The following MS4A7 variants were observed in gnomAD, a reference collection of about 807,000 sequenced individuals.
The protein encoded by MS4A7 is membrane-spanning 4-domains subfamily A member 7.
MS4A7 carries 21 observed loss-of-function variants against 23.5 expected under a neutral mutation model. That is an observed-to-expected ratio of 0.89 (90% CI 0.63 to 1.29). MS4A7 has a LOEUF of 1.29. MS4A7 is among the 50% of genes most tolerant of loss of function. The pLI, the probability that MS4A7 is intolerant of heterozygous loss-of-function variation, is 0.00. For synonymous variants in MS4A7, 111 were observed against 107.4 expected, an observed-to-expected ratio of 1.03 and a Z score of -0.21; for missense variants, 263 against 274.2, an observed-to-expected ratio of 0.96 and a Z score of 0.29.
intron 1 of MS4A7, among the ~76,000 whole-genome samples, chr11:60,379,431 C>A (rs1036639661): frequency 1.3e-4 from 20 of 152,126 alleles, no homozygotes; most frequent in Non-Finnish European, 2.9e-4. Flanking sequence ...AATCTAGAGA[C>A]CTCCATTTAT....
chr11:60,383,215 AG>A lies in MS4A7; in HGVS notation c.75del (p.Lys26AsnfsTer33). 1.9e-6 allele frequency: 3 copies of A among 1,614,184 alleles called. No homozygotes were observed. Among genetic ancestry groups the A allele is most frequent in the Non-Finnish European group, 2.5e-6 (3 of 1,180,012 alleles). Reference sequence around the variant, plus strand: ...AAGGGCATCACTATCCCTCAAAGAGAGAAACCTGGACACATGTACCAAAACG... The same window carrying A: ...AAGGGCATCACTATCCCTCAAAGAGAAAACCTGGACACATGTACCAAAACG... ...TPKGITIPQREKPGHMYQNED... is the reference protein window; with the variant it reads ...TPKGITIPQRXKPGHMYQNED... On this transcript the variant is annotated frameshift_variant, in exon 2 of 7. Transcript: ENST00000300184. LOFTEE classifies it high-confidence loss of function.
rs772610941 is a variant in MS4A7 at position 60,389,611 on chromosome 11, A to G, written c.546+15A>G. 8.1e-6 allele frequency: 13 copies of G among 1,603,308 alleles called. No homozygotes were observed. In the East Asian group the frequency reaches 2.7e-4, roughly 33 times the overall value. On this transcript the variant is annotated intron_variant, in intron 5 of 6. Coordinates refer to ENST00000300184, the MANE Select transcript of MS4A7 (RefSeq NM_021201.5). ...TCAGTTTAACAGTGAGTAGTTTCAG[A>G]CTGAATATCCTGTCATGTGAAATCT...
At position 60,383,196 on chromosome 11, in the gene MS4A7, A is replaced by G; in HGVS notation, c.55A>G (p.Ile19Val). Reference protein sequence around the residue: ...GVSHSFTPKGITIPQREKPGH... With the variant: ...GVSHSFTPKGVTIPQREKPGH... ...TTCTCACAGCTTTACACCAAAGGGCATCACTATCCCTCAAAGAGAGAAACC... is the reference window on the plus strand; with the variant it reads ...TTCTCACAGCTTTACACCAAAGGGCGTCACTATCCCTCAAAGAGAGAAACC... Residue 19 changes from isoleucine to valine, a missense_variant, in exon 2 of 7, where the codon ATC (isoleucine) becomes GTC (valine). Physicochemically the swap from Ile to Val is conservative, Grantham distance 29. Transcript: ENST00000300184. The G allele has an allele frequency of 6.2e-7, 1 of 1,614,204 alleles. No individual in the cohort carries two copies. The highest frequency in any genetic ancestry group is 1.1e-5 in the South Asian group (1 of 91,084).
chr11:60,389,950 C>T (rs2085533626), intron 5 of MS4A7: 2 of 242,672 alleles, frequency 8.2e-6, no homozygotes, highest in African/African-American at 4.5e-5. Context: ...CAGAAATATT[C>T]TTCATTTGAA....
rs2085607881 is a variant in MS4A7, at chr11:60,395,587, T to C, written c.*1726T>C. 6.6e-6 allele frequency: 1 copy of C among 152,176 alleles called. No homozygotes were observed. The highest frequency in any genetic ancestry group is 2.4e-5 in the African/African-American group (1 of 41,460). The allele number at this position is 152,176 out of a possible 1,614,324, so 9.4% of individuals were successfully genotyped here. On this transcript the variant is annotated 3_prime_UTR_variant, in exon 7 of 7. Transcript: ENST00000300184. Reference sequence around the variant, plus strand: ...AATTTCTAAAGGCAGTTTCTGTTGTTTTAATTAGTATTTGTGTAGTTCAAA... The same window carrying C: ...AATTTCTAAAGGCAGTTTCTGTTGTCTTAATTAGTATTTGTGTAGTTCAAA...
intron 4 of MS4A7, among the ~76,000 whole-genome samples, chr11:60,387,819 G>A (rs1164595150): frequency 6.6e-6 from 1 of 152,200 alleles, no homozygotes; most frequent in Non-Finnish European, 1.5e-5. Context: ...AAAGACAAAA[G>A]CAAACTGAAG....
At chr11:60,381,561 A>C (rs1443176406) in intron 1 of MS4A7, among the ~76,000 whole-genome samples, 1 of 152,246 alleles carries the variant, frequency 6.6e-6, no homozygotes, top group Non-Finnish European at 1.5e-5. Context: ...GGATAGTGTC[A>C]TTATCCTTAT....
rs114061027 is a variant in MS4A7 at position 60,381,621 on chromosome 11, G to A, written c.-13-1508G>A. 5.2e-3 allele frequency among the ~76,000 whole-genome samples: 790 copies of A among 152,200 alleles called. 6 individuals are homozygous for A. The highest frequency in any genetic ancestry group is 0.021 in the South Asian group (100 of 4,818). On this transcript the variant is annotated intron_variant, in intron 1 of 6. Transcript: ENST00000300184. Reference sequence around the variant, plus strand: ...GAATGAGGGAAAGTATCCTGCCTACGGCCAGCTCATCAATATCAGAACTGG... The same window carrying A: ...GAATGAGGGAAAGTATCCTGCCTACAGCCAGCTCATCAATATCAGAACTGG...
intron 5 of MS4A7, 70 bp from the exon 6 acceptor site, chr11:60,392,615 C>T (rs2085565136): frequency 3.4e-6 from 4 of 1,181,102 alleles, no homozygotes; most frequent in Admixed American, 3.6e-5. Context: ...CCTCATCGCC[C>T]TGTCTCCTCT....
At chr11:60,391,116 C>T (rs946578431) in intron 5 of MS4A7, among the ~76,000 whole-genome samples, 15 of 152,002 alleles carry the variant, frequency 9.9e-5, no homozygotes, top group Non-Finnish European at 4.4e-5. Flanking sequence ...ATATGGAGTA[C>T]CCTGCAAAAA....
Position 60,393,991 on chromosome 11 carries a change from AT to A in MS4A7, c.*133del. On this transcript the variant is annotated 3_prime_UTR_variant, in exon 7 of 7. Coordinates refer to ENST00000300184, the MANE Select transcript of MS4A7 (RefSeq NM_021201.5). ...AAAAAAAAAAAAGCTTTTGTTTTGT[AT>A]TTGTTTACTATGAGTCGTTATTTAA... The A allele has an allele frequency of 3.8e-6, 2 of 531,578 alleles. No homozygotes were observed. Among genetic ancestry groups the A allele is most frequent in the Non-Finnish European group, 6.4e-6 (2 of 310,564 alleles). 32.9% of individuals were successfully genotyped at this position (531,578 alleles called of 1,614,324 possible).
chr11:60,379,610 G>A (rs2085408303), intron 1 of MS4A7, among the ~76,000 whole-genome samples: 1 of 151,856 alleles, frequency 6.6e-6, no homozygotes, highest in Admixed American at 6.6e-5. Flanking sequence ...TCGGCTTACT[G>A]CAACCACTGT....
At chr11:60,393,734 T>C (rs1014110445) in intron 6 of MS4A7, 53 bp from the exon 7 acceptor site, 6 of 1,447,530 alleles carry the variant, frequency 4.1e-6, no homozygotes, top group African/African-American at 2.8e-5. Context: ...AGTTATCTTT[T>C]TTAATCTCCG....
intron 5 of MS4A7, among the ~76,000 whole-genome samples, chr11:60,390,652 A>G (rs1335136295): frequency 6.6e-6 from 1 of 152,118 alleles, no homozygotes; most frequent in East Asian, 1.9e-4. Flanking sequence ...TGGTAAAGCA[A>G]TGGGGGTGGG....
intron 1 of MS4A7, among the ~76,000 whole-genome samples, chr11:60,382,486 A>G (rs1429119330): frequency 6.6e-6 from 1 of 152,238 alleles, no homozygotes; most frequent in African/African-American, 2.4e-5. Context: ...CATGTAAGTT[A>G]CAGGGTTGTT....
intron 2 of MS4A7, chr11:60,383,680 T>C (rs1163969754): frequency 6.5e-6 from 1 of 154,120 alleles, no homozygotes; most frequent in Non-Finnish European, 1.4e-5. Flanking sequence ...GCTGGGACTA[T>C]GGGTGCACGC....
At chr11:60,382,338 C>T (rs2085439931) in intron 1 of MS4A7, among the ~76,000 whole-genome samples, 1 of 152,214 alleles carries the variant, frequency 6.6e-6, no homozygotes, top group African/African-American at 2.4e-5. Context: ...CATGTAAACA[C>T]AGGCTGTTAA....
At chr11:60,389,146 C>T in intron 4 of MS4A7, 1 of 487,690 alleles carries the variant, frequency 2.1e-6, no homozygotes, top group Non-Finnish European at 3.7e-6. Flanking sequence ...GGGCCAGAAC[C>T]CCTCTCCCTA....
intron 1 of MS4A7, among the ~76,000 whole-genome samples, 164 bp downstream of exon 1, chr11:60,378,828 T>G (rs988186067): frequency 6.6e-6 from 1 of 152,262 alleles, no homozygotes; most frequent in Admixed American, 6.5e-5. Flanking sequence ...ACTTGTCAAA[T>G]AAGAAAATTG....
Sources: allele counts gnomAD v4.1 joint callset (sites outside exome capture counted in the v4.1 genomes callset), GRCh38; gene constraint gnomAD v4.1.1; transcripts MANE v1.5; gene names NCBI Gene and HGNC (gene_info 2026-07-23, HGNC 2026-07-21).